ST18: variants seen among roughly 807,000 people sequenced by gnomAD.
ST18 encodes ST18 C2H2C-type zinc finger transcription factor, also known as suppression of tumorigenicity 18 protein.
A neutral mutation model predicts 110.0 loss-of-function variants in ST18; 50 were observed. The observed-to-expected ratio is 0.45, with a 90% CI of 0.36 to 0.58. The LOEUF is 0.58. ST18 is among the 20% of genes least tolerant of loss of function. The pLI is 0.00. For synonymous variants in ST18, 461 were observed against 452.4 expected, an observed-to-expected ratio of 1.02 and a Z score of -0.24; for missense variants, 1,306 against 1,280.1, an observed-to-expected ratio of 1.02 and a Z score of -0.31.
At chr8:52,358,873 G>A (rs1824363526) in intron 2 of ST18, among the ~76,000 whole-genome samples, 1 of 151,836 alleles carries the variant, frequency 6.6e-6, no homozygotes, top group East Asian at 1.9e-4. Context: ...TATGAGGCCA[G>A]CCTTACCCTT....
chr8:52,121,423 C>A (rs2044755260), intron 23 of ST18, among the ~76,000 whole-genome samples: 1 of 152,138 alleles, frequency 6.6e-6, no homozygotes, highest in African/African-American at 2.4e-5. Context: ...CAACTAATTT[C>A]TTTGTAATGT....
At chr8:52,336,691 T>A (rs951668968) in intron 2 of ST18, among the ~76,000 whole-genome samples, 1 of 152,206 alleles carries the variant, frequency 6.6e-6, no homozygotes, top group African/African-American at 2.4e-5. Flanking sequence ...CCTAGTGACG[T>A]CTTGCTTCCT....
intron 2 of ST18, among the ~76,000 whole-genome samples, chr8:52,357,320 G>T (rs1035773546): frequency 6.6e-6 from 1 of 151,894 alleles, no homozygotes; most frequent in South Asian, 2.1e-4. Flanking sequence ...GAAGTAAGTC[G>T]TTTCTTACCA....
chr8:52,235,780 C>T (rs1336290333), intron 2 of ST18, among the ~76,000 whole-genome samples: 4 of 152,120 alleles, frequency 2.6e-5, no homozygotes, highest in African/African-American at 4.8e-5. Flanking sequence ...GGTAAAAAGC[C>T]TGTGTAGCAT....
At chr8:52,315,841 T>G (rs1434871828) in intron 2 of ST18, among the ~76,000 whole-genome samples, 6 of 152,232 alleles carry the variant, frequency 3.9e-5, no homozygotes, top group Non-Finnish European at 8.8e-5. Context: ...TTATTTGCTC[T>G]TTCTTCTGCT....
chr8:52,120,479 C>A (rs2044268246), intron 23 of ST18, among the ~76,000 whole-genome samples: 1 of 152,144 alleles, frequency 6.6e-6, no homozygotes, highest in African/African-American at 2.4e-5. Context: ...GGAGAAGATG[C>A]ACTCCTTTCA....
At chr8:52,367,270 A>ACACAC (rs55935866) in intron 2 of ST18, among the ~76,000 whole-genome samples, 5 of 150,700 alleles carry the variant, frequency 3.3e-5, no homozygotes, top group Non-Finnish European at 7.4e-5. Context: ...ACACACACAC[A>ACACAC]AAGATTTTAC....
At chr8:52,209,776 A>ATAT (rs1196733238) in intron 8 of ST18, among the ~76,000 whole-genome samples, 1 of 131,108 alleles carries the variant, frequency 7.6e-6, no homozygotes, top group Admixed American at 7.8e-5. Flanking sequence ...ATCTCAAAAA[A>ATAT]AAAAAAAAAA....
In ST18 at chr8:52,394,975, C is replaced by T. The variant is rs185802441; in HGVS notation, c.-465+14353G>A. Among the ~76,000 whole-genome samples, 93 of 152,278 alleles carry T rather than the reference C, an allele frequency of 6.1e-4. 1 individual carries two copies. Among genetic ancestry groups the T allele is most frequent in the East Asian group, 1.9e-4 (1 of 5,172 alleles). The stretch of plus-strand genomic sequence containing the variant: ...ATGATTCAAGACACGAAAGTGGATA[C>T]GCACCAAGAAGGGAACATTTCCAGA... On this transcript the variant is annotated intron_variant, in intron 2 of 25. Transcript: ENST00000689386.
At chr8:52,248,193 C>T (rs770172920) in intron 2 of ST18, among the ~76,000 whole-genome samples, 29 of 152,046 alleles carry the variant, frequency 1.9e-4, no homozygotes, top group Non-Finnish European at 2.9e-4. Context: ...ATTGCTATAT[C>T]CTTACATAAA....
At chr8:52,370,826 T>A (rs892998207) in intron 2 of ST18, among the ~76,000 whole-genome samples, 5 of 152,200 alleles carry the variant, frequency 3.3e-5, no homozygotes, top group Non-Finnish European at 7.3e-5. Flanking sequence ...AAAACCTAGT[T>A]CCCTGCTTAT....
intron 2 of ST18, among the ~76,000 whole-genome samples, chr8:52,380,676 A>G (rs1834187995): frequency 6.6e-6 from 1 of 152,148 alleles, no homozygotes; most frequent in Admixed American, 6.5e-5. Flanking sequence ...GAAGAATCTA[A>G]AAATTATGGA....
chr8:52,339,869 C>T (rs1686880720), intron 2 of ST18, among the ~76,000 whole-genome samples: 1 of 152,218 alleles, frequency 6.6e-6, no homozygotes, highest in African/African-American at 2.4e-5. Flanking sequence ...CTTCTCTTCC[C>T]ACGCCTATTA....
chr8:52,146,561 C>T (rs1336606302), intron 16 of ST18, among the ~76,000 whole-genome samples: 1 of 151,984 alleles, frequency 6.6e-6, no homozygotes, highest in African/African-American at 2.4e-5. Flanking sequence ...TCACATTTCT[C>T]CTCTAAAAAA....
chr8:52,116,651 C>T (rs556228520), intron 24 of ST18, among the ~76,000 whole-genome samples: 1 of 152,316 alleles, frequency 6.6e-6, no homozygotes, highest in Admixed American at 6.5e-5. Context: ...AGAACTTCTC[C>T]ACATGGCTGT....
At chr8:52,309,520 C>CAAAAAAA (rs756214451) in intron 2 of ST18, among the ~76,000 whole-genome samples, 50 of 37,726 alleles carry the variant, frequency 1.3e-3, no homozygotes, top group East Asian at 4.4e-3. Context: ...GACTCCATCT[C>CAAAAAAA]AAAAAAAAAA....
chr8:52,344,880 CTTTAT>C (rs1816983112), intron 2 of ST18, among the ~76,000 whole-genome samples: 1 of 151,992 alleles, frequency 6.6e-6, no homozygotes, highest in Non-Finnish European at 1.5e-5. Flanking sequence ...ATGTTTAGCA[CTTTAT>C]TTTATTATTT....
At chr8:52,325,034 A>G (rs935017998) in intron 2 of ST18, among the ~76,000 whole-genome samples, 11 of 152,240 alleles carry the variant, frequency 7.2e-5, no homozygotes, top group African/African-American at 2.4e-4. Context: ...GCAATGAAGG[A>G]CCAATAGAGG....
intron 15 of ST18, among the ~76,000 whole-genome samples, chr8:52,156,732 T>G (rs976064210): frequency 6.6e-6 from 1 of 152,214 alleles, no homozygotes; most frequent in African/African-American, 2.4e-5. Flanking sequence ...TGTGTGCAAA[T>G]GTGTGCACGT....
Sources: allele counts gnomAD v4.1 joint callset (sites outside exome capture counted in the v4.1 genomes callset), GRCh38; gene constraint gnomAD v4.1.1; transcripts MANE v1.5; gene names NCBI Gene and HGNC (gene_info 2026-07-23, HGNC 2026-07-21).